The following TOPAZ1 variants were observed in gnomAD, a reference collection of about 807,000 sequenced individuals.
TOPAZ1 encodes the protein protein TOPAZ1.
A neutral mutation model predicts 172.2 loss-of-function variants in TOPAZ1; 66 were observed. That is an observed-to-expected ratio of 0.38 (90% CI 0.31 to 0.47). The LOEUF is 0.47. Among genes scored for constraint, TOPAZ1 ranks in the 20% least tolerant of loss-of-function variants. The pLI, the probability that TOPAZ1 is intolerant of heterozygous loss-of-function variation, is 0.99. For missense variants in TOPAZ1, 1,822 were observed against 1,972.4 expected (o/e 0.92, Z 1.44); for synonymous variants, 681 against 683.9 (o/e 1.00, Z 0.07).
chr3:44,314,171 C>A (rs1700427611), intron 16 of TOPAZ1, among the ~76,000 whole-genome samples: 1 of 152,138 alleles, frequency 6.6e-6, no homozygotes, highest in Non-Finnish European at 1.5e-5. Context: ...TCGTGATCTG[C>A]CCACCTCGGC....
chr3:44,277,789 C>T (rs377471888), intron 8 of TOPAZ1, among the ~76,000 whole-genome samples: 1 of 152,076 alleles, frequency 6.6e-6, no homozygotes, highest in Non-Finnish European at 1.5e-5. Context: ...TGGCACCTTC[C>T]GCTCCACTCT....
intron 12 of TOPAZ1, among the ~76,000 whole-genome samples, chr3:44,298,891 T>TTATATATATATATATATATATA: frequency 1.2e-4 from 2 of 17,118 alleles, no homozygotes; most frequent in Non-Finnish European, 1.8e-4. Context: ...TGTATATATA[T>TTATATATATATATATATATATA]TATATATATA....
Position 44,323,135 on chromosome 3 carries a change from T to G in TOPAZ1, c.4515T>G (p.Leu1505=), listed in dbSNP as rs1700558851. The part of the protein sequence containing the change: ...VSQYSLLFNK[L]LGSCIESSSL... Reference sequence around the variant, plus strand: ...AATATAGCCTTCTTTTTAATAAGCTTCTAGGTTCCTGTATAGAAAGCAGTA... The same window carrying G: ...AATATAGCCTTCTTTTTAATAAGCTGCTAGGTTCCTGTATAGAAAGCAGTA... Residue 1505 remains leucine (L), a synonymous_variant, in exon 18 of 20, where the codon CTT becomes CTG. Transcript: ENST00000309765. 1.3e-6 allele frequency: 2 copies of G among 1,548,244 alleles called. No individual in the cohort carries two copies. The highest frequency in any genetic ancestry group is 1.7e-6 in the Non-Finnish European group (2 of 1,145,114).
intron 16 of TOPAZ1, among the ~76,000 whole-genome samples, chr3:44,314,868 C>T (rs1407307696): frequency 6.6e-6 from 1 of 152,084 alleles, no homozygotes; most frequent in African/African-American, 2.4e-5. Flanking sequence ...TTGATTCTGC[C>T]GATCTGGGGA....
At chr3:44,307,416 A>G (rs1335932361) in intron 15 of TOPAZ1, among the ~76,000 whole-genome samples, 4 of 152,300 alleles carry the variant, frequency 2.6e-5, no homozygotes, top group South Asian at 2.1e-4. Context: ...TATATACCAT[A>G]TATCTTGATG....
At chr3:44,329,100 G>C (rs1240904087) in intron 19 of TOPAZ1, among the ~76,000 whole-genome samples, 1 of 152,196 alleles carries the variant, frequency 6.6e-6, no homozygotes, top group Non-Finnish European at 1.5e-5. Context: ...CAGTTTACTG[G>C]TGTGACAAAC....
chr3:44,243,064 C>G lies in TOPAZ1; in HGVS notation c.558C>G (p.Thr186=). 6.5e-7 allele frequency: 1 copy of G among 1,544,642 alleles called. No homozygotes were observed. Among genetic ancestry groups the G allele is most frequent in the Non-Finnish European group, 8.7e-7 (1 of 1,145,286 alleles). Residue 186 remains threonine (T), a synonymous_variant, in exon 2 of 20, where the codon ACC becomes ACG. Transcript: ENST00000309765. ...TAGAAAACCCACCTCTCAAAATAACCGAAAATGAGGCTACACAAAATATTA... is the reference window on the plus strand; with the variant it reads ...TAGAAAACCCACCTCTCAAAATAACGGAAAATGAGGCTACACAAAATATTA... ...KSLENPPLKI[T]ENEATQNIKV... is the part of the protein sequence containing the mutation.
At chr3:44,315,953 G>A (rs1700446776) in intron 16 of TOPAZ1, among the ~76,000 whole-genome samples, 1 of 151,994 alleles carries the variant, frequency 6.6e-6, no homozygotes, top group Non-Finnish European at 1.5e-5. Context: ...AAACATTTAA[G>A]GCCAGGCACA....
rs1247975278 is a variant in TOPAZ1 at position 44,256,223 on chromosome 3, A to G, written c.2900A>G (p.Asn967Ser). The change falls in exon 4 of 20, where the codon AAT (asparagine) becomes AGT (serine). Residue 967 changes from asparagine (N) to serine (S), a missense_variant. Around this residue, in one of 2 missense-constraint regions of TOPAZ1, gnomAD observed 1,489 missense variants for 1,490.8 expected, o/e 1.00. Transcript: ENST00000309765. ...GAAGTTGCTAATGAGACCTCTGAAA[A>G]TGAAACACTGGGAGACTTCAGTGAA... is the stretch of plus-strand genomic sequence containing the variant. ...LGEVANETSENETLGDFSEQI... is the reference protein window; with the variant it reads ...LGEVANETSESETLGDFSEQI... 1 of 1,537,748 alleles carries G rather than the reference A, an allele frequency of 6.5e-7. No homozygotes were observed. Among genetic ancestry groups the G allele is most frequent in the Admixed American group, 2.1e-5 (1 of 46,728 alleles).
At chr3:44,278,422 A>G (rs1699987283) in intron 8 of TOPAZ1, among the ~76,000 whole-genome samples, 1 of 152,084 alleles carries the variant, frequency 6.6e-6, no homozygotes, top group South Asian at 2.1e-4. Context: ...TTTCTCTTCC[A>G]TTTTTTGGAA....
chr3:44,310,125 A>G (rs980064771), intron 16 of TOPAZ1, 135 bp downstream of exon 16: 20 of 723,960 alleles, frequency 2.8e-5, no homozygotes, highest in African/African-American at 9.0e-5. Flanking sequence ...GTGGGTAGGA[A>G]AGGTTGTCAT....
intron 9 of TOPAZ1, among the ~76,000 whole-genome samples, chr3:44,282,881 ATATAAC>A (rs1478103924): frequency 6.6e-6 from 1 of 152,232 alleles, no homozygotes; most frequent in African/African-American, 2.4e-5. Flanking sequence ...TCTGAACTTA[ATATAAC>A]TATAACAAAG....
At chr3:44,299,319 G>A (rs1241615897) in intron 12 of TOPAZ1, among the ~76,000 whole-genome samples, 2 of 152,094 alleles carry the variant, frequency 1.3e-5, no homozygotes, top group East Asian at 1.9e-4. Flanking sequence ...CTCAAAAGAA[G>A]ACATTTATGC....
intron 5 of TOPAZ1, 47 bp downstream of exon 5, chr3:44,262,530 C>T: frequency 2.0e-6 from 2 of 990,118 alleles, no homozygotes; most frequent in Non-Finnish European, 3.0e-6. Context: ...AGTCACTCAT[C>T]TAATTTATAT....
chr3:44,332,409 A>G (rs1005645060), downstream of TOPAZ1, among the ~76,000 whole-genome samples: 1 of 152,192 alleles, frequency 6.6e-6, no homozygotes, highest in African/African-American at 2.4e-5. Flanking sequence ...CTAAAGCTGT[A>G]CTACATCTGT....
At chr3:44,320,149 A>C (rs376788249) in intron 16 of TOPAZ1, among the ~76,000 whole-genome samples, 8 of 152,250 alleles carry the variant, frequency 5.3e-5, no homozygotes, top group African/African-American at 1.9e-4. Flanking sequence ...TTTTTTAAAG[A>C]GGGTCTGAGG....
Position 44,255,027 on chromosome 3 carries a change from C to G in TOPAZ1, c.2825C>G (p.Ala942Gly), listed in dbSNP as rs1342936000. 2 of 1,550,452 alleles carry G rather than the reference C, an allele frequency of 1.3e-6. No homozygotes were observed. Among genetic ancestry groups the G allele is most frequent in the African/African-American group, 1.4e-5 (1 of 73,150 alleles). The change falls in exon 3 of 20, where the codon GCA becomes GGA. Residue 942 changes from alanine to glycine, a missense_variant and splice_region_variant. By Grantham distance (60) the Ala-to-Gly change is moderately conservative. Around this residue, in one of 2 missense-constraint regions of TOPAZ1, gnomAD observed 1,489 missense variants for 1,490.8 expected, o/e 1.00. Transcript: ENST00000309765. The stretch of plus-strand genomic sequence containing the variant: ...CCAGACATCTGTGCTTCCAACTCAG[C>G]AGGTAAAAGTTGACATTTTCAGAAT... ...IKPDICASNSAESEIKRDPKD... is the reference protein window; with the variant it reads ...IKPDICASNSGESEIKRDPKD...
At chr3:44,272,659 C>T (rs1375431448) in intron 8 of TOPAZ1, among the ~76,000 whole-genome samples, 2 of 152,126 alleles carry the variant, frequency 1.3e-5, no homozygotes, top group East Asian at 3.9e-4. Flanking sequence ...CCTCCTGGTT[C>T]AAGCGATTCT....
chr3:44,331,870 A>G lies in TOPAZ1; in HGVS notation c.4938A>G (p.Ser1646=). 1 of 1,551,998 alleles carries G rather than the reference A, an allele frequency of 6.4e-7. No individual in the cohort carries two copies. Among genetic ancestry groups the G allele is most frequent in the East Asian group, 2.4e-5 (1 of 40,902 alleles). ...VERLIMAARI[S]DPKLFVKHMT... ...GGTTAATTATGGCTGCTCGTATATC[A>G]GATCCAAAGCTTTTCGTTAAACACA... The change falls in exon 20 of 20, where the codon TCA becomes TCG. Residue 1646 remains serine, a synonymous_variant. Coordinates refer to ENST00000309765, the MANE Select transcript of TOPAZ1 (RefSeq NM_001145030.2).
Sources: gnomAD v4.1 joint callset for allele counts (sites outside exome capture counted in the v4.1 genomes callset) on GRCh38, gnomAD v4.1.1 for gene constraint, gnomAD v4.1.1 regional missense constraint, MANE v1.5 for transcripts, NCBI Gene and HGNC (gene_info 2026-07-23, HGNC 2026-07-21) for gene names.